DIP2C: variants seen among roughly 807,000 people sequenced by gnomAD.
DIP2C encodes DIP2 acetate--CoA ligase C (putative), also known as disco-interacting protein 2 homolog C.
Under a neutral mutation model 192.4 loss-of-function variants are expected in DIP2C, and 33 were observed. The ratio of observed to expected loss-of-function variants is 0.17; its 90% confidence interval spans 0.13 to 0.23. The LOEUF (loss-of-function observed/expected upper bound fraction) is 0.23, where lower values mean the gene tolerates loss of function less well. Among genes scored for constraint, DIP2C ranks in the 10% least tolerant of loss-of-function variants. The pLI is 1.00. For missense variants in DIP2C, 1,537 were observed against 2,110.1 expected, an observed-to-expected ratio of 0.73 and a Z score of 5.32; for synonymous variants, 979 against 864.1, an observed-to-expected ratio of 1.13 and a Z score of -2.33.
At chr10:687,984 G>C (rs1412574382) in intron 1 of DIP2C, among the ~76,000 whole-genome samples, 1 of 152,164 alleles carries the variant, frequency 6.6e-6, no homozygotes, top group Non-Finnish European at 1.5e-5. Context: ...GAACACGGAG[G>C]GTGCTGCAGG....
intron 1 of DIP2C, among the ~76,000 whole-genome samples, chr10:607,078 A>AGCACGGCCTGCACGGCCT (rs200620185): frequency 6.6e-6 from 1 of 152,210 alleles, no homozygotes; most frequent in Admixed American, 6.5e-5. Context: ...GCCTGGGCCC[A>AGCACGGCCTGCACGGCCT]GCACGGCCTG....
intron 33 of DIP2C, among the ~76,000 whole-genome samples, chr10:287,984 G>A (rs1169123049): frequency 6.6e-6 from 1 of 152,154 alleles, no homozygotes. Flanking sequence ...TCTATGGTCT[G>A]CATGCTTTGT....
At chr10:417,746 T>C (rs12761340) in intron 6 of DIP2C, among the ~76,000 whole-genome samples, 1 of 126,068 alleles carries the variant, frequency 7.9e-6, no homozygotes. Context: ...CTGTCAGGGC[T>C]CGGATAGGCA....
rs1208593301 is a variant in DIP2C at position 413,976 on chromosome 10, G to A, written c.994C>T (p.Pro332Ser). ...AALQRWGTIS[P>S]KAPCLTTMDT... is the part of the protein sequence containing the mutation. ...ATGGTGGTCAGGCAGGGCGCCTTGG[G>A]CGAGATGGTGCCCCACCTCTGCAGT... The change falls in exon 8 of 37, where the codon CCC (proline) becomes TCC (serine). Residue 332 changes from proline to serine, a missense_variant. By Grantham distance (74) the Pro-to-Ser change is moderately conservative (BLOSUM62 -1). Transcript: ENST00000280886. The A allele has an allele frequency of 6.2e-7, 1 of 1,614,226 alleles. No individual in the cohort carries two copies. Among genetic ancestry groups the A allele is most frequent in the Non-Finnish European group, 8.5e-7 (1 of 1,180,034 alleles).
At chr10:616,987 G>C (rs1386788423) in intron 1 of DIP2C, among the ~76,000 whole-genome samples, 1 of 152,110 alleles carries the variant, frequency 6.6e-6, no homozygotes, top group Non-Finnish European at 1.5e-5. Context: ...GTGATTTAAG[G>C]AAAGAAAGCC....
At chr10:277,676 A>G (rs1954584517) in intron 36 of DIP2C, 99 bp from the exon 37 acceptor site, 1 of 1,495,826 alleles carries the variant, frequency 6.7e-7, no homozygotes, top group Non-Finnish European at 9.0e-7. Context: ...GACCTGCCTG[A>G]GCACTGCCCG....
rs183801533 is a variant in DIP2C at position 586,880 on chromosome 10, G to A, written c.86-100350C>T. Among the ~76,000 whole-genome samples the A allele has an allele frequency of 3.1e-3, 466 of 152,330 alleles. 4 individuals are homozygous for A. The highest frequency in any genetic ancestry group is 0.018 in the South Asian group (86 of 4,826). On this transcript the variant is annotated intron_variant, in intron 1 of 36. Transcript: ENST00000280886. ...GAAAACCCCACAACAAGGTGGGGAG[G>A]GGCGACCAGCATGAGTTCTAAGGCC...
intron 33 of DIP2C, among the ~76,000 whole-genome samples, chr10:287,915 G>A (rs1199847198): frequency 6.6e-6 from 1 of 152,114 alleles, no homozygotes; most frequent in African/African-American, 2.4e-5. Context: ...AGCTAGGTGT[G>A]GCCATGTGAC....
At chr10:283,233 C>T in intron 35 of DIP2C, 39 bp downstream of exon 35, 3 of 1,500,784 alleles carry the variant, frequency 2.0e-6, no homozygotes, top group Non-Finnish European at 2.6e-6. Flanking sequence ...AACCTCTCTG[C>T]CCATCTGTTG....
chr10:329,335 G>A, intron 30 of DIP2C, 98 bp downstream of exon 30: 1 of 1,291,030 alleles, frequency 7.7e-7, no homozygotes, highest in South Asian at 1.7e-5. Flanking sequence ...GCTTTGTTTT[G>A]GAGGACTGTT....
At chr10:591,140 T>TA (rs1246481162) in intron 1 of DIP2C, among the ~76,000 whole-genome samples, 1 of 152,208 alleles carries the variant, frequency 6.6e-6, no homozygotes, top group Admixed American at 6.5e-5. Flanking sequence ...TTGTTTTTTT[T>TA]AGATGGAGTC....
chr10:675,536 C>A (rs544029438), intron 1 of DIP2C, among the ~76,000 whole-genome samples: 1 of 151,210 alleles, frequency 6.6e-6, no homozygotes, highest in Non-Finnish European at 1.5e-5. Flanking sequence ...ATTAGCTACA[C>A]TAAGAAAAAA....
intron 1 of DIP2C, among the ~76,000 whole-genome samples, chr10:554,809 G>A (rs929744218): frequency 2.0e-5 from 3 of 152,220 alleles, no homozygotes; most frequent in Non-Finnish European, 4.4e-5. Flanking sequence ...AAAACTTCCA[G>A]GTGCTCCTGA....
At chr10:421,321 C>T (rs117471271) in intron 5 of DIP2C, among the ~76,000 whole-genome samples, 1 of 152,286 alleles carries the variant, frequency 6.6e-6, no homozygotes, top group East Asian at 1.9e-4. Context: ...GGCCAAGTGC[C>T]GTGATTCACT....
intron 1 of DIP2C, among the ~76,000 whole-genome samples, chr10:508,776 A>G (rs1182816087): frequency 2.0e-5 from 3 of 152,198 alleles, no homozygotes; most frequent in Admixed American, 6.5e-5. Flanking sequence ...TGTACCGCAC[A>G]TACAGGAGAT....
At chr10:503,024 CGCCAGAACACT>C (rs1845350975) in intron 1 of DIP2C, among the ~76,000 whole-genome samples, 1 of 151,458 alleles carries the variant, frequency 6.6e-6, no homozygotes, top group African/African-American at 2.4e-5. Flanking sequence ...GCATAAATTC[CGCCAGAACACT>C]AACCTGCGGA....
chr10:679,649 TC>T (rs965676182), intron 1 of DIP2C, among the ~76,000 whole-genome samples: 1 of 145,980 alleles, frequency 6.9e-6, no homozygotes, highest in African/African-American at 2.6e-5. Context: ...ACACCCGTGC[TC>T]CCCGCACTCG....
intron 1 of DIP2C, among the ~76,000 whole-genome samples, chr10:616,536 CAGCCCCCAGACCAGGAATCAAGTCTG>C (rs1325053061): frequency 3.9e-5 from 6 of 152,202 alleles, no homozygotes; most frequent in African/African-American, 1.4e-4. Flanking sequence ...AATAAGCAGG[CAGCCCCCAGACCAGGAATCAAGTCTG>C]AGCCCCAACA....
In DIP2C at chr10:487,567, GTTTTTTTTTTTT is replaced by G. The variant is rs71376836; in HGVS notation, c.86-1049_86-1038del. On this transcript the variant is annotated intron_variant, in intron 1 of 36. Transcript: ENST00000280886. ...AACCCGCATCCGCCCATCAATGAGT[GTTTTTTTTTTTT>G]TTTTTTTTTTTTTTTTTTGAGACAG... Among the ~76,000 whole-genome samples, 8 of 54,200 alleles carry G rather than the reference GTTTTTTTTTTTT, an allele frequency of 1.5e-4. No individual in the cohort carries two copies. The East Asian group carries it at 2.0e-3, about 13-fold the overall frequency. The allele number at this position is 54,200 out of a possible 152,430, so 35.6% of individuals were successfully genotyped here. A position where few individuals can be genotyped will look rare whatever the true frequency, so the allele number is the denominator to read the frequency against.
Sources: allele counts gnomAD v4.1 joint callset (sites outside exome capture counted in the v4.1 genomes callset), GRCh38; gene constraint gnomAD v4.1.1; transcripts MANE v1.5; gene names NCBI Gene and HGNC (gene_info 2026-07-23, HGNC 2026-07-21).